TENM3: variants seen among roughly 807,000 people sequenced by gnomAD.
TENM3 encodes the protein teneurin transmembrane protein 3, also known as teneurin-3.
Under a neutral mutation model 255.1 loss-of-function variants are expected in TENM3, and 63 were observed. The ratio of observed to expected loss-of-function variants is 0.25; its 90% CI spans 0.20 to 0.30. The LOEUF is 0.30. TENM3 is among the 10% of genes least tolerant of loss of function. The pLI, the probability that TENM3 is intolerant of heterozygous loss-of-function variation, is 1.00. For synonymous variants in TENM3, 1,306 were observed against 1,322.3 expected (o/e 0.99, Z 0.27); for missense variants, 2,929 against 3,461.1 (o/e 0.85, Z 3.86).
the TENM3 span, among the ~76,000 whole-genome samples, chr4:181,635,185 A>G: frequency 1.3e-5 from 2 of 152,208 alleles, no homozygotes; most frequent in Non-Finnish European, 2.9e-5. Flanking sequence ...AGCAAACGAG[A>G]AAGTTGAAAA....
At chr4:182,317,506 A>G (rs149903944) in intron 1 of TENM3, among the ~76,000 whole-genome samples, 3 of 151,774 alleles carry the variant, frequency 2.0e-5, no homozygotes, top group Non-Finnish European at 4.4e-5. Flanking sequence ...TTGTAGAGAG[A>G]GGGTTTCATC....
the TENM3 span, among the ~76,000 whole-genome samples, chr4:182,106,403 T>G: frequency 6.6e-6 from 1 of 152,158 alleles, no homozygotes; most frequent in Non-Finnish European, 1.5e-5. Context: ...AAAGCTGCAG[T>G]GAGCTGTGGT....
At chr4:182,219,013 A>T (rs1208040453) in intron 1 of TENM3, among the ~76,000 whole-genome samples, 1 of 152,236 alleles carries the variant, frequency 6.6e-6, no homozygotes, top group Non-Finnish European at 1.5e-5. Context: ...ACCTGAGGTC[A>T]GGAGCTGGAG....
chr4:181,886,056 T>C, the TENM3 span, among the ~76,000 whole-genome samples: 3 of 148,600 alleles, frequency 2.0e-5, no homozygotes, highest in Admixed American at 1.3e-4. Context: ...GGGTTTTTTT[T>C]TTTTTTTTTT....
At chr4:181,633,473 C>T in the TENM3 span, among the ~76,000 whole-genome samples, 1 of 152,262 alleles carries the variant, frequency 6.6e-6, no homozygotes, top group South Asian at 2.1e-4. Flanking sequence ...AGGAGTCACA[C>T]TCCGAAACGC....
chr4:181,640,585 A>T, the TENM3 span, among the ~76,000 whole-genome samples: 1 of 152,208 alleles, frequency 6.6e-6, no homozygotes, highest in Admixed American at 6.5e-5. Flanking sequence ...GATTACCAGC[A>T]GGCCCAGCAT....
chr4:181,487,068 G>A, the TENM3 span, among the ~76,000 whole-genome samples: 1,925 of 152,120 alleles, frequency 0.013, 44 homozygotes, highest in African/African-American at 0.041. Flanking sequence ...TAAATGATGC[G>A]CATACCATAT....
the TENM3 span, among the ~76,000 whole-genome samples, chr4:181,457,427 T>C: frequency 6.6e-6 from 1 of 151,798 alleles, no homozygotes; most frequent in Non-Finnish European, 1.5e-5. Context: ...TCTCTCCTTC[T>C]TGGTAGTCAT....
intron 1 of TENM3, among the ~76,000 whole-genome samples, chr4:182,246,343 G>A (rs1044117544): frequency 1.3e-5 from 2 of 150,972 alleles, no homozygotes; most frequent in African/African-American, 2.4e-5. Context: ...GATTCGCTAT[G>A]AGCCCCCACC....
At chr4:181,845,839 T>A in the TENM3 span, among the ~76,000 whole-genome samples, 71 of 152,338 alleles carry the variant, frequency 4.7e-4, no homozygotes, top group African/African-American at 1.4e-3. Flanking sequence ...TGTTCCTGAA[T>A]CCTGTTTAAA....
At chr4:182,193,279 G>A (rs1052244415) in intron 1 of TENM3, among the ~76,000 whole-genome samples, 9 of 152,168 alleles carry the variant, frequency 5.9e-5, no homozygotes, top group Admixed American at 3.9e-4. Flanking sequence ...GTTAAATAAT[G>A]TATTCAGACT....
chr4:182,772,200 A>G (rs1764291676), intron 22 of TENM3, among the ~76,000 whole-genome samples: 2 of 149,992 alleles, frequency 1.3e-5, no homozygotes, highest in South Asian at 2.1e-4. Context: ...AAAAACCCCT[A>G]TCATCTCATA....
chr4:182,657,857 G>A (rs765487913), intron 6 of TENM3, among the ~76,000 whole-genome samples: 3 of 151,972 alleles, frequency 2.0e-5, no homozygotes, highest in African/African-American at 2.4e-5. Context: ...GTGTTCCACC[G>A]TGTTGCCCAG....
chr4:182,487,890 CAG>C lies in TENM3; in HGVS notation c.512-113031_512-113030del, dbSNP rs552476971. ...AGTGAAGCAGTTTTTGTAGTGCAAA[CAG>C]AGCCTTTAAATGGTTGGGCAAATTA... On this transcript the variant is annotated intron_variant, in intron 3 of 27. Coordinates refer to ENST00000511685, the MANE Select transcript of TENM3 (RefSeq NM_001080477.4). Among the ~76,000 whole-genome samples the C allele has an allele frequency of 1.8e-4, 28 of 152,198 alleles. 1 individual carries two copies. In the South Asian group the frequency reaches 5.6e-3, roughly 30 times the overall value.
intron 3 of TENM3, among the ~76,000 whole-genome samples, chr4:182,354,989 C>T (rs904678813): frequency 1.1e-4 from 16 of 152,178 alleles, no homozygotes; most frequent in Non-Finnish European, 1.9e-4. Flanking sequence ...TATTCCCTGA[C>T]GTCTAGAAGC....
At chr4:182,106,112 C>A in the TENM3 span, among the ~76,000 whole-genome samples, 2 of 152,168 alleles carry the variant, frequency 1.3e-5, no homozygotes, top group African/African-American at 4.8e-5. Context: ...CTCCCCTGAC[C>A]CCCAGCAAAT....
chr4:182,009,161 A>C, the TENM3 span, among the ~76,000 whole-genome samples: 1 of 152,012 alleles, frequency 6.6e-6, no homozygotes, highest in African/African-American at 2.4e-5. Context: ...TGCCAGTAGG[A>C]TTGCTCCTGT....
At chr4:182,105,962 G>T in the TENM3 span, among the ~76,000 whole-genome samples, 1 of 152,200 alleles carries the variant, frequency 6.6e-6, no homozygotes, top group Non-Finnish European at 1.5e-5. Flanking sequence ...AACTGCACTT[G>T]TACCCCATAC....
In TENM3 at chr4:182,800,448, C is replaced by CG; in HGVS notation, c.*102dup. On this transcript the variant is annotated 3_prime_UTR_variant, in exon 28 of 28. Transcript: ENST00000511685. ...CTCCAACGCCCAAGAGCCTTCCTCC[C>CG]GGGGGAATGAGACTGCTGTTACGAC... is the stretch of plus-strand genomic sequence containing the variant. 7.2e-7 allele frequency: 1 copy of CG among 1,389,852 alleles called. No homozygotes were observed. The highest frequency in any genetic ancestry group is 9.5e-7 in the Non-Finnish European group (1 of 1,056,238). The allele number at this position is 1,389,852 out of a possible 1,614,324, so 86.1% of individuals were successfully genotyped here.
Sources: gnomAD v4.1 joint callset for allele counts (sites outside exome capture counted in the v4.1 genomes callset) on GRCh38, gnomAD v4.1.1 for gene constraint, MANE v1.5 for transcripts, NCBI Gene and HGNC (gene_info 2026-07-23, HGNC 2026-07-21) for gene names.